Variants in IL3RA observed in about 807,000 individuals in gnomAD.
IL3RA encodes the protein interleukin 3 receptor subunit alpha, also known as interleukin-3 receptor subunit alpha.
IL3RA carries 73 observed loss-of-function variants against 52.3 expected under a neutral mutation model. The observed-to-expected ratio is 1.40, with a 90% CI of 1.16 to 1.70. The LOEUF is 1.70. IL3RA is among the 40% of genes most tolerant of loss of function. The pLI is 0.00. For missense variants in IL3RA, 664 were observed against 504.4 expected (o/e 1.32, Z -3.03); for synonymous variants, 260 against 194.0 (o/e 1.34, Z -2.83).
At position 1,365,171 on chromosome X, in the gene IL3RA, C is replaced by G; in HGVS notation, c.793C>G (p.Pro265Ala). ...RDRTSFQLLN[P>A]GTYTVQIRAR... ...CAGAACCTCCTTCCAGCTACTCAATCCTGGAACGTACACAGTACAAATAAG... is the reference window on the plus strand; with the variant it reads ...CAGAACCTCCTTCCAGCTACTCAATGCTGGAACGTACACAGTACAAATAAG... The change falls in exon 9 of 12, where the codon CCT becomes GCT. Residue 265 changes from proline (P) to alanine (A), a missense_variant. Coordinates refer to ENST00000331035, the MANE Select transcript of IL3RA (RefSeq NM_002183.4). The G allele has an allele frequency of 6.2e-7, 1 of 1,610,968 alleles. No individual in the cohort carries two copies. Among genetic ancestry groups the G allele is most frequent in the Non-Finnish European group, 8.5e-7 (1 of 1,178,638 alleles).
chrX:1,381,538 ATTTTT>A (rs555777406), intron 11 of IL3RA, among the ~76,000 whole-genome samples: 7 of 140,142 alleles, frequency 5.0e-5, no homozygotes, highest in African/African-American at 1.8e-4. Flanking sequence ...AGCAGAGCAG[ATTTTT>A]TTTTTTTTTT....
rs17883183 is a variant in IL3RA, at chrX:1,348,371, C to G, written c.184-60C>G. 9,432 of 1,322,396 alleles carry G rather than the reference C, an allele frequency of 7.1e-3. 524 individuals are homozygous for G. In the African/African-American group the frequency reaches 0.12, roughly 17 times the overall value. The allele number at this position is 1,322,396 out of a possible 1,614,324, so 81.9% of individuals were successfully genotyped here. ...TCTGCCTCAAAAAAAATCTGAACATCATTAGCGTCAAATTAAGCATGGTCT... is the reference window on the plus strand; with the variant it reads ...TCTGCCTCAAAAAAAATCTGAACATGATTAGCGTCAAATTAAGCATGGTCT... On this transcript the variant is annotated intron_variant, in intron 3 of 11. Coordinates refer to ENST00000331035, the MANE Select transcript of IL3RA (RefSeq NM_002183.4).
Position 1,378,727 on chromosome X carries a change from C to A in IL3RA, c.943C>A (p.Leu315Met). The A allele has an allele frequency of 6.2e-7, 1 of 1,612,534 alleles. No homozygotes were observed. Among genetic ancestry groups the A allele is most frequent in the South Asian group, 1.1e-5 (1 of 91,026 alleles). ...RTSLLIALGT[L>M]LALVCVFVIC... ...GTCGCTGCTGATCGCGCTGGGGACG[C>A]TGCTGGCCCTGGTCTGTGTCTTCGT... Residue 315 changes from leucine (L) to methionine (M), a missense_variant, in exon 10 of 12, where the codon CTG becomes ATG. Physicochemically the swap from Leu to Met is conservative, Grantham distance 15. Transcript: ENST00000331035.
chrX:1,346,371 A>G (rs7064624), intron 3 of IL3RA, among the ~76,000 whole-genome samples: 40,913 of 151,154 alleles, frequency 0.27, 6,178 homozygotes, highest in African/African-American at 0.39. Context: ...CCCGGGAGGC[A>G]GAGGTTGCAT....
chrX:1,361,751 TC>T (rs2087403787), intron 8 of IL3RA, among the ~76,000 whole-genome samples: 2 of 82,738 alleles, frequency 2.4e-5, no homozygotes. Flanking sequence ...AGACTCCGTC[TC>T]GAGAAAAAAA....
intron 11 of IL3RA, 24 bp downstream of exon 11, chrX:1,381,128 G>A: frequency 6.2e-7 from 1 of 1,612,194 alleles, no homozygotes; most frequent in Non-Finnish European, 8.5e-7. Context: ...TCTGCCTTGG[G>A]ACGGGTCTGG....
At chrX:1,363,014 G>C (rs2087582959) in intron 8 of IL3RA, among the ~76,000 whole-genome samples, 1 of 152,030 alleles carries the variant, frequency 6.6e-6, no homozygotes, top group Non-Finnish European at 1.5e-5. Flanking sequence ...GACCTCAGGT[G>C]ATCTACCCAC....
At chrX:1,373,888 G>C (rs1181886593) in intron 9 of IL3RA, among the ~76,000 whole-genome samples, 1 of 66,304 alleles carries the variant, frequency 1.5e-5, no homozygotes, top group Non-Finnish European at 2.5e-5. Flanking sequence ...GCCTCAGGAG[G>C]AACCAGCCCT....
chrX:1,348,906 A>C (rs1301168993), intron 4 of IL3RA, among the ~76,000 whole-genome samples: 306 of 89,864 alleles, frequency 3.4e-3, no homozygotes, highest in Admixed American at 5.1e-3. Flanking sequence ...TCCCTGCCTC[A>C]CTCCCTTCCT....
At chrX:1,358,316 C>G (rs1569524001) in intron 7 of IL3RA, among the ~76,000 whole-genome samples, 1 of 151,952 alleles carries the variant, frequency 6.6e-6, no homozygotes, top group East Asian at 1.9e-4. Context: ...TGTTTGTCCA[C>G]CGGCCTCACA....
intron 4 of IL3RA, 73 bp downstream of exon 4, chrX:1,348,618 C>A: frequency 1.0e-6 from 1 of 988,006 alleles, no homozygotes; most frequent in Non-Finnish European, 1.6e-6. Flanking sequence ...CTCTCGCCTT[C>A]GCTGTGTCTT....
In IL3RA at chrX:1,344,428, C is replaced by T. The variant is rs778840666; in HGVS notation, c.65-888C>T. Reference sequence around the variant, plus strand: ...CAGCCTGGGCGACAGAGTGAGACTCCGTCTCAAAACAAACAAGCAAACAAA... The same window carrying T: ...CAGCCTGGGCGACAGAGTGAGACTCTGTCTCAAAACAAACAAGCAAACAAA... On this transcript the variant is annotated intron_variant, in intron 2 of 11. Coordinates refer to ENST00000331035, the MANE Select transcript of IL3RA (RefSeq NM_002183.4). 2.9e-4 allele frequency among the ~76,000 whole-genome samples: 44 copies of T among 151,490 alleles called. No homozygotes were observed. The East Asian group carries it at 4.9e-3, about 17-fold the overall frequency.
intron 3 of IL3RA, among the ~76,000 whole-genome samples, chrX:1,346,042 T>C (rs112424254): frequency 1.3e-5 from 2 of 151,652 alleles, no homozygotes; most frequent in African/African-American, 2.4e-5. Flanking sequence ...ACGCTGGGCG[T>C]GGTGGCTCAC....
intron 7 of IL3RA, among the ~76,000 whole-genome samples, chrX:1,357,181 T>C (rs1265534688): frequency 6.6e-6 from 1 of 152,146 alleles, no homozygotes; most frequent in Non-Finnish European, 1.5e-5. Context: ...CTCAAACTCC[T>C]GACCTCAGGT....
intron 8 of IL3RA, among the ~76,000 whole-genome samples, chrX:1,359,141 A>T (rs1569524205): frequency 1.3e-5 from 2 of 152,104 alleles, no homozygotes; most frequent in African/African-American, 4.8e-5. Context: ...AGGAAGAGTC[A>T]GGGATGACAC....
chrX:1,353,912 C>G (rs2086367978), intron 6 of IL3RA, among the ~76,000 whole-genome samples: 1 of 144,398 alleles, frequency 6.9e-6, no homozygotes, highest in African/African-American at 2.6e-5. Context: ...TCATGGGATC[C>G]CTCATCATGG....
At chrX:1,361,725 C>G (rs181975199) in intron 8 of IL3RA, among the ~76,000 whole-genome samples, 9 of 142,486 alleles carry the variant, frequency 6.3e-5, no homozygotes, top group African/African-American at 2.4e-4. Flanking sequence ...TGCACTCCAG[C>G]CTGGGTGACA....
intron 10 of IL3RA, among the ~76,000 whole-genome samples, chrX:1,380,773 T>G (rs1198191626): frequency 2.0e-5 from 3 of 151,358 alleles, no homozygotes; most frequent in Non-Finnish European, 4.4e-5. Flanking sequence ...CAGGGGTCTG[T>G]CTTTGCAGCT....
chrX:1,359,081 G>A (rs2086965406), intron 8 of IL3RA, among the ~76,000 whole-genome samples, 194 bp downstream of exon 8: 1 of 151,818 alleles, frequency 6.6e-6, no homozygotes, highest in South Asian at 2.1e-4. Context: ...CCCTTACTGC[G>A]ATCTTGCAAA....
Sources: allele counts gnomAD v4.1 joint callset (sites outside exome capture counted in the v4.1 genomes callset), GRCh38; gene constraint gnomAD v4.1.1; transcripts MANE v1.5; gene names NCBI Gene and HGNC (gene_info 2026-07-23, HGNC 2026-07-21).